COL22A1: variants seen among roughly 807,000 people sequenced by gnomAD.
COL22A1 encodes collagen type XXII alpha 1 chain.
A neutral mutation model predicts 248.9 loss-of-function variants in COL22A1; 221 were observed. The observed-to-expected ratio is 0.89, with a 90% CI of 0.80 to 0.99. COL22A1 has a LOEUF of 0.99. Among genes scored for constraint, COL22A1 ranks in the 50% least tolerant of loss-of-function variants. The probability of loss-of-function intolerance (pLI) is 0.00; values close to 1 mark genes in which losing one functional copy is unlikely to be tolerated. For synonymous variants in COL22A1, 891 were observed against 793.4 expected (o/e 1.12, Z -2.07); for missense variants, 2,240 against 2,179.0 (o/e 1.03, Z -0.56).
At position 138,756,554 on chromosome 8, in the gene COL22A1, C is replaced by G. The variant is rs112628712; in HGVS notation, c.1903-725G>C. 8.4e-3 allele frequency among the ~76,000 whole-genome samples: 1,274 copies of G among 152,232 alleles called. 24 individuals are homozygous for G. Among genetic ancestry groups the G allele is most frequent in the African/African-American group, 0.03 (1,228 of 41,518 alleles). ...AATACATATAGTCAATGTTTCCACA[C>G]ATGACGTAGGGACATAACTTTTCCT... On this transcript the variant is annotated intron_variant, in intron 18 of 64. Transcript: ENST00000303045.
intron 1 of COL22A1, among the ~76,000 whole-genome samples, chr8:138,897,047 A>C (rs867008795): frequency 1.3e-5 from 2 of 152,218 alleles, no homozygotes; most frequent in South Asian, 2.1e-4. Context: ...TAACCTTGCC[A>C]ATCACTGTAA....
intron 50 of COL22A1, among the ~76,000 whole-genome samples, chr8:138,627,933 C>T (rs948344546): frequency 1.3e-5 from 2 of 152,148 alleles, no homozygotes; most frequent in Admixed American, 1.3e-4. Flanking sequence ...TTTGAAGACG[C>T]TGACCAAAAG....
intron 22 of COL22A1, among the ~76,000 whole-genome samples, chr8:138,745,339 C>A (rs1328841631): frequency 6.7e-6 from 1 of 148,874 alleles, no homozygotes. Flanking sequence ...GGTGAGAACC[C>A]AGGTGACCAG....
At chr8:138,695,070 C>A (rs76816909) in intron 32 of COL22A1, among the ~76,000 whole-genome samples, 191 bp from the exon 33 acceptor site, 2,997 of 152,280 alleles carry the variant, frequency 0.02, 38 homozygotes, top group Middle Eastern at 0.048. Flanking sequence ...GATTCTGACT[C>A]ATCTTTCAGG....
In COL22A1 at chr8:138,617,742, G is replaced by A. The variant is rs78648592; in HGVS notation, c.3826-784C>T. Among the ~76,000 whole-genome samples, 451 of 152,298 alleles carry A rather than the reference G, an allele frequency of 3.0e-3. 4 individuals are homozygous for A. The highest frequency in any genetic ancestry group is 0.01 in the African/African-American group (432 of 41,568). On this transcript the variant is annotated intron_variant, in intron 53 of 64. Transcript: ENST00000303045. ...ATGCAACTGGGCTGACTGTGAGTTAGGTCTGAGATGGGACCATGGCTCCCA... is the reference window on the plus strand; with the variant it reads ...ATGCAACTGGGCTGACTGTGAGTTAAGTCTGAGATGGGACCATGGCTCCCA...
Position 138,722,058 on chromosome 8 carries a change from G to T in COL22A1, c.2279C>A (p.Pro760Gln). The T allele has an allele frequency of 6.3e-7, 1 of 1,581,904 alleles. No individual in the cohort carries two copies. Among genetic ancestry groups the T allele is most frequent in the Non-Finnish European group, 8.6e-7 (1 of 1,162,018 alleles). ...GPPGKDGPNG[P>Q]PGPPGTKGEP... ...AACCTTGGTTCCTGGCGGACCTGGT[G>T]GTCCATTTGGCCCGTCCTTTCCAGG... The change falls in exon 26 of 65, where the codon CCA (proline) becomes CAA (glutamine). Residue 760 changes from proline (P) to glutamine (Q), a missense_variant. Coordinates refer to ENST00000303045, the MANE Select transcript of COL22A1 (RefSeq NM_152888.3).
chr8:138,778,728 C>T (rs6998209), intron 14 of COL22A1, among the ~76,000 whole-genome samples: 61,606 of 152,122 alleles, frequency 0.4, 16,598 homozygotes, highest in African/African-American at 0.77. Flanking sequence ...TCACTCTCCC[C>T]GTGCCCCTCG....
chr8:138,865,346 ATGTG>A (rs1168189279), intron 3 of COL22A1, among the ~76,000 whole-genome samples: 2 of 151,962 alleles, frequency 1.3e-5, no homozygotes, highest in Admixed American at 1.3e-4. Flanking sequence ...ATGTGAGCAC[ATGTG>A]TGTCTATGTG....
At chr8:138,668,342 T>A (rs1203571384) in intron 41 of COL22A1, among the ~76,000 whole-genome samples, 2 of 152,198 alleles carry the variant, frequency 1.3e-5, no homozygotes, top group Non-Finnish European at 2.9e-5. Context: ...TTTATTTTAC[T>A]ATTCTACCTA....
In COL22A1 at chr8:138,813,007, G is replaced by T. The variant is rs143147850; in HGVS notation, c.1258C>A (p.Arg420=). Reference sequence around the variant, plus strand: ...CTCGAGTCACAATAGATCACAATCCGCTGTAGGTCAAACTGGAAAGGAAAG... The same window carrying T: ...CTCGAGTCACAATAGATCACAATCCTCTGTAGGTCAAACTGGAAAGGAAAG... ...DSVPIDFDLQ[R]IVIYCDSRHA... The change falls in exon 8 of 65, where the codon CGG becomes AGG. Residue 420 remains arginine, a synonymous_variant. Coordinates refer to ENST00000303045, the MANE Select transcript of COL22A1 (RefSeq NM_152888.3). The T allele has an allele frequency of 5.0e-6, 8 of 1,613,532 alleles. No individual in the cohort carries two copies. In the African/African-American group the frequency reaches 5.3e-5, roughly 11 times the overall value.
At chr8:138,803,332 C>T (rs1586778916) in intron 10 of COL22A1, among the ~76,000 whole-genome samples, 3 of 152,034 alleles carry the variant, frequency 2.0e-5, no homozygotes, top group African/African-American at 7.3e-5. Context: ...TAAACAGGCA[C>T]GTCATCACGC....
chr8:138,715,865 C>T (rs1829391805), intron 29 of COL22A1, 130 bp from the exon 30 acceptor site: 1 of 695,530 alleles, frequency 1.4e-6, no homozygotes, highest in African/African-American at 1.8e-5. Context: ...CTTGTCCTTG[C>T]CTTATCAGCA....
chr8:138,779,395 G>A lies in COL22A1; in HGVS notation c.1704+114C>T, dbSNP rs532001281. The A allele has an allele frequency of 6.9e-5, 47 of 685,022 alleles. No individual in the cohort carries two copies. The African/African-American group carries it at 7.8e-4, about 11-fold the overall frequency. The allele number at this position is 685,022 out of a possible 1,614,324, so 42.4% of individuals were successfully genotyped here. ...CACAAATGTGCAAGCAGTTATATGA[G>A]AAGAGGGGCAGGGAACCTATCTGAG... On this transcript the variant is annotated intron_variant, in intron 14 of 64. Transcript: ENST00000303045.
intron 1 of COL22A1, among the ~76,000 whole-genome samples, chr8:138,895,719 G>C (rs914448185): frequency 6.6e-6 from 1 of 152,168 alleles, no homozygotes; most frequent in African/African-American, 2.4e-5. Context: ...AATCCAGGGA[G>C]AGAAGAAAGA....
intron 3 of COL22A1, among the ~76,000 whole-genome samples, chr8:138,867,358 C>T (rs942709747): frequency 3.9e-5 from 6 of 152,152 alleles, no homozygotes; most frequent in Non-Finnish European, 5.9e-5. Flanking sequence ...CTCTCTGTGA[C>T]GTGGTGCTCA....
rs765303914 is a variant in COL22A1, at chr8:138,630,681, C to T, written c.3663+14G>A. 6.8e-6 allele frequency: 11 copies of T among 1,612,154 alleles called. No individual in the cohort carries two copies. The highest frequency in any genetic ancestry group is 1.1e-5 in the South Asian group (1 of 91,050). On this transcript the variant is annotated intron_variant, in intron 50 of 64. Transcript: ENST00000303045. ...GACAGATTAAAAACAGATCCCATTC[C>T]TTGAGGAACTTACAGGTGACCCTTG...
chr8:138,660,541 C>T lies in COL22A1; in HGVS notation c.3241-61G>A. On this transcript the variant is annotated intron_variant, in intron 43 of 64. Transcript: ENST00000303045. ...AAGCACACGATCCTGACCCACTCTACCCACACCCTCTGCCAATCTCTCTAT... is the reference window on the plus strand; with the variant it reads ...AAGCACACGATCCTGACCCACTCTATCCACACCCTCTGCCAATCTCTCTAT... The T allele has an allele frequency of 2.1e-6, 3 of 1,443,240 alleles. No homozygotes were observed. The Admixed American group carries it at 5.0e-5, about 24-fold the overall frequency. 89.4% of individuals were successfully genotyped at this position (1,443,240 alleles called of 1,614,324 possible). A position where few individuals can be genotyped will look rare whatever the true frequency, so the allele number is the denominator to read the frequency against.
intron 15 of COL22A1, 80 bp downstream of exon 15, chr8:138,778,273 G>A: frequency 6.7e-7 from 1 of 1,494,966 alleles, no homozygotes. Flanking sequence ...CTAGATGCAG[G>A]TGGAGGAACT....
intron 49 of COL22A1, among the ~76,000 whole-genome samples, chr8:138,634,168 G>A (rs1018247176): frequency 2.0e-5 from 3 of 152,170 alleles, no homozygotes; most frequent in Non-Finnish European, 2.9e-5. Flanking sequence ...TAGAAGTTGA[G>A]TTGTTTAAAA....
Sources: gnomAD v4.1 joint callset for allele counts (sites outside exome capture counted in the v4.1 genomes callset) on GRCh38, gnomAD v4.1.1 for gene constraint, MANE v1.5 for transcripts, NCBI Gene and HGNC (gene_info 2026-07-23, HGNC 2026-07-21) for gene names.